Variants in IP6K1 observed in about 807,000 individuals in gnomAD.
IP6K1 encodes inositol hexakisphosphate kinase 1.
In IP6K1, 13 loss-of-function variants were observed where a neutral mutation model predicts 38.3. The observed-to-expected ratio is 0.34, with a 90% CI of 0.22 to 0.54. IP6K1 has a LOEUF of 0.54. Among genes scored for constraint, IP6K1 ranks in the 20% least tolerant of loss-of-function variants. IP6K1 has a pLI of 0.92. For missense variants in IP6K1, 397 were observed against 599.8 expected (o/e 0.66, Z 3.53); for synonymous variants, 212 against 229.9 (o/e 0.92, Z 0.70).
intron 1 of IP6K1, among the ~76,000 whole-genome samples, chr3:49,778,611 C>T (rs942822887): frequency 2.0e-5 from 3 of 151,822 alleles, no homozygotes; most frequent in African/African-American, 4.8e-5. Context: ...CCAGCCTGGG[C>T]GACAAAGCGA....
At chr3:49,781,639 T>C (rs1248665626) in intron 1 of IP6K1, among the ~76,000 whole-genome samples, 1 of 152,152 alleles carries the variant, frequency 6.6e-6, no homozygotes, top group Non-Finnish European at 1.5e-5. Flanking sequence ...ATTTGGTTAG[T>C]GGGGATTAGG....
intron 1 of IP6K1, chr3:49,775,252 A>G: frequency 5.7e-6 from 1 of 176,016 alleles, no homozygotes. Flanking sequence ...AAATAAAAAA[A>G]TAGGCTTCTA....
At chr3:49,779,071 G>T (rs200531660) in intron 1 of IP6K1, among the ~76,000 whole-genome samples, 1 of 152,148 alleles carries the variant, frequency 6.6e-6, no homozygotes, top group East Asian at 1.9e-4. Flanking sequence ...CACAATTTTA[G>T]AATGTTTTAA....
chr3:49,768,072 G>T (rs1279035451), intron 1 of IP6K1, among the ~76,000 whole-genome samples: 1 of 151,670 alleles, frequency 6.6e-6, no homozygotes, highest in African/African-American at 2.4e-5. Context: ...TGTTGGCAAG[G>T]ATATGAAGAA....
In IP6K1 at chr3:49,786,337, C is replaced by G. The variant is rs1205098223; in HGVS notation, c.-129+17G>C. On this transcript the variant is annotated intron_variant, in intron 1 of 5. Transcript: ENST00000321599. ...CGGGCGTCAGGCCGGTCTATCGGCCCGGCTCCTGTCACTCACCTGCCCGGC... is the reference window on the plus strand; with the variant it reads ...CGGGCGTCAGGCCGGTCTATCGGCCGGGCTCCTGTCACTCACCTGCCCGGC... 1 of 152,254 alleles carries G rather than the reference C, an allele frequency of 6.6e-6. No individual in the cohort carries two copies. Among genetic ancestry groups the G allele is most frequent in the Non-Finnish European group, 1.5e-5 (1 of 68,078 alleles). The allele number at this position is 152,254 out of a possible 1,614,324, so 9.4% of individuals were successfully genotyped here.
At chr3:49,757,450 A>T (rs2080833554) in intron 1 of IP6K1, among the ~76,000 whole-genome samples, 1 of 152,172 alleles carries the variant, frequency 6.6e-6, no homozygotes, top group Non-Finnish European at 1.5e-5. Flanking sequence ...TCTGCTAGGC[A>T]GGGTGGCTCA....
At chr3:49,730,708 G>A (rs187589053) in intron 4 of IP6K1, among the ~76,000 whole-genome samples, 1 of 152,074 alleles carries the variant, frequency 6.6e-6, no homozygotes. Context: ...CACCATGCCC[G>A]ACTAATTTTT....
chr3:49,783,431 T>C (rs2081084860), intron 1 of IP6K1, among the ~76,000 whole-genome samples: 1 of 151,684 alleles, frequency 6.6e-6, no homozygotes, highest in Admixed American at 6.6e-5. Flanking sequence ...CTAATATTTT[T>C]GCTGGGTGCA....
chr3:49,736,726 G>A (rs547893868), intron 3 of IP6K1, among the ~76,000 whole-genome samples: 1 of 151,592 alleles, frequency 6.6e-6, no homozygotes, highest in South Asian at 2.1e-4. Context: ...ATTCTTTTGG[G>A]TATATACCTA....
In IP6K1 at chr3:49,727,273, T is replaced by C. The variant is rs200869596; in HGVS notation, c.1175A>G (p.Lys392Arg). 3.3e-5 allele frequency: 53 copies of C among 1,614,024 alleles called. No individual in the cohort carries two copies. The highest frequency in any genetic ancestry group is 2.7e-5 in the Non-Finnish European group (32 of 1,180,028). The stretch of plus-strand genomic sequence containing the variant: ...AAAGTCAATCATGCGGACATCCACC[T>C]TGGGCTGAGAGGAGGGACCCGCCTC... ...SPEAGPSSQP[K>R]VDVRMIDFAH... The change falls in exon 6 of 6, where the codon AAG becomes AGG. Residue 392 changes from lysine to arginine, a missense_variant. Lys to Arg is a conservative substitution (Grantham distance 26). Transcript: ENST00000321599. The surrounding 1 kb of genome is among the most constrained non-coding windows in gnomAD (Gnocchi z 5.9).
intron 2 of IP6K1, among the ~76,000 whole-genome samples, chr3:49,741,265 T>G (rs2080666746): frequency 6.6e-6 from 1 of 152,206 alleles, no homozygotes. Context: ...CTACACCACT[T>G]TACATTTTCA....
At chr3:49,777,861 G>A (rs1285758689) in intron 1 of IP6K1, among the ~76,000 whole-genome samples, 1 of 151,920 alleles carries the variant, frequency 6.6e-6, no homozygotes, top group African/African-American at 2.4e-5. Context: ...CTTGCAGTGA[G>A]CTGAGATCGC....
At chr3:49,749,543 G>A (rs1437867095) in intron 1 of IP6K1, among the ~76,000 whole-genome samples, 1 of 152,098 alleles carries the variant, frequency 6.6e-6, no homozygotes, top group Non-Finnish European at 1.5e-5. Flanking sequence ...ACAAACCATC[G>A]GGTTTTTTGT....
At chr3:49,734,368 G>C (rs907893506) in intron 3 of IP6K1, among the ~76,000 whole-genome samples, 9 of 149,104 alleles carry the variant, frequency 6.0e-5, no homozygotes, top group African/African-American at 2.2e-4. Flanking sequence ...GCAGCTCAGA[G>C]CAGAGGTGGA....
chr3:49,749,830 CTT>C lies in IP6K1; in HGVS notation c.-128-1664_-128-1663del, dbSNP rs35363121. Among the ~76,000 whole-genome samples, 214 of 109,580 alleles carry C rather than the reference CTT, an allele frequency of 2.0e-3. No individual in the cohort carries two copies. The East Asian group carries it at 0.021, about 11-fold the overall frequency. 71.9% of individuals were successfully genotyped at this position (109,580 alleles called of 152,430 possible). Reference sequence around the variant, plus strand: ...GCACTATTTTAATGCACATACACTTCTTTTTTTTTTTTTTTTTTGCCTAGTTA... The same window carrying C: ...GCACTATTTTAATGCACATACACTTCTTTTTTTTTTTTTTTTGCCTAGTTA... On this transcript the variant is annotated intron_variant, in intron 1 of 5. Transcript: ENST00000321599.
intron 1 of IP6K1, among the ~76,000 whole-genome samples, chr3:49,781,569 G>A (rs1340558826): frequency 6.6e-6 from 1 of 152,192 alleles, no homozygotes; most frequent in East Asian, 1.9e-4. Flanking sequence ...ATAGGTCACT[G>A]GATTCAGCCA....
chr3:49,742,038 C>T (rs188077025), intron 2 of IP6K1, among the ~76,000 whole-genome samples: 1 of 152,086 alleles, frequency 6.6e-6, no homozygotes, highest in East Asian at 1.9e-4. Flanking sequence ...ATGACTGTAC[C>T]ACTGCACTCC....
chr3:49,733,652 C>T (rs941446191), intron 3 of IP6K1, among the ~76,000 whole-genome samples: 4 of 152,168 alleles, frequency 2.6e-5, no homozygotes, highest in African/African-American at 7.2e-5. Flanking sequence ...ATAAGCCAGA[C>T]ACAAAAGGAT....
chr3:49,743,241 TACACACACACACACACAC>T lies in IP6K1; in HGVS notation c.223+4559_223+4576del, dbSNP rs202144754. Among the ~76,000 whole-genome samples the T allele has an allele frequency of 5.8e-4, 80 of 137,306 alleles. 1 individual carries two copies. The highest frequency in any genetic ancestry group is 2.1e-3 in the African/African-American group (76 of 35,650). The allele number at this position is 137,306 out of a possible 152,430, so 90.1% of individuals were successfully genotyped here. A position where few individuals can be genotyped will look rare whatever the true frequency, so the allele number is the denominator to read the frequency against. ...TCTCAAAACAAAAACAAAAACAAAA[TACACACACACACACACAC>T]ACACACACACACACACACACACTTA... On this transcript the variant is annotated intron_variant, in intron 2 of 5. Coordinates refer to ENST00000321599, the MANE Select transcript of IP6K1 (RefSeq NM_153273.4).
Sources: allele counts gnomAD v4.1 joint callset (sites outside exome capture counted in the v4.1 genomes callset), GRCh38; gene constraint gnomAD v4.1.1; non-coding constraint Gnocchi (gnomAD v3.1); transcripts MANE v1.5; gene names NCBI Gene and HGNC (gene_info 2026-07-23, HGNC 2026-07-21).